Variants in SIRPB1 observed in about 807,000 individuals in gnomAD.
SIRPB1 encodes signal-regulatory protein beta-1.
Under a neutral mutation model 34.1 loss-of-function variants are expected in SIRPB1, and 28 were observed. The observed-to-expected ratio is 0.82, with a 90% CI of 0.61 to 1.12. The LOEUF is 1.12. SIRPB1 is among the 50% of genes most tolerant of loss of function. The pLI is 0.00. For missense variants in SIRPB1, 499 were observed against 507.0 expected, an observed-to-expected ratio of 0.98 and a Z score of 0.15; for synonymous variants, 211 against 203.8, an observed-to-expected ratio of 1.04 and a Z score of -0.30.
chr20:1,583,814 A>G lies in SIRPB1; in HGVS notation c.77-5120T>C, dbSNP rs2091410365. On this transcript the variant is annotated intron_variant, in intron 1 of 5. Transcript: ENST00000381605. ...CTTTAATGTGTTTTTCCTGTAGACT[A>G]AAAAATGAGTTGAAGACTGTAGTAA... is the stretch of plus-strand genomic sequence containing the variant. Among the ~76,000 whole-genome samples, 2 of 45,900 alleles carry G rather than the reference A, an allele frequency of 4.4e-5. 1 individual carries two copies. The highest frequency in any genetic ancestry group is 8.2e-5 in the Non-Finnish European group (2 of 24,414). 30.1% of individuals were successfully genotyped at this position (45,900 alleles called of 152,430 possible).
intron 4 of SIRPB1, among the ~76,000 whole-genome samples, chr20:1,569,439 A>T (rs2091192356): frequency 6.6e-6 from 1 of 152,264 alleles, no homozygotes; most frequent in Non-Finnish European, 1.5e-5. Flanking sequence ...GTCCTTGATC[A>T]CATGATCCCT....
At chr20:1,569,425 A>C (rs1304711877) in intron 4 of SIRPB1, among the ~76,000 whole-genome samples, 6 of 152,258 alleles carry the variant, frequency 3.9e-5, no homozygotes, top group Non-Finnish European at 7.3e-5. Flanking sequence ...GTTTTGTGAA[A>C]AATGTCCTTG....
chr20:1,615,536 A>C (rs986461520), intron 1 of SIRPB1, among the ~76,000 whole-genome samples: 4 of 152,216 alleles, frequency 2.6e-5, no homozygotes, highest in Admixed American at 6.5e-5. Context: ...TTCTGTTAAC[A>C]GTTGGCATTA....
chr20:1,585,961 A>G (rs182701275), intron 1 of SIRPB1, among the ~76,000 whole-genome samples: 1,566 of 49,276 alleles, frequency 0.032, 739 homozygotes, highest in African/African-American at 0.21. Flanking sequence ...TGAATTAACC[A>G]AGATGGTATT....
intron 1 of SIRPB1, among the ~76,000 whole-genome samples, chr20:1,582,103 C>T (rs149462786): frequency 2.0e-5 from 1 of 49,276 alleles, no homozygotes; most frequent in Admixed American, 1.3e-4. Context: ...ACAGACACTC[C>T]TGTTAGTGTC....
Position 1,612,825 on chromosome 20 carries a change from A to G in SIRPB1, c.76+7044T>C, listed in dbSNP as rs1166248772. On this transcript the variant is annotated intron_variant, in intron 1 of 5. Coordinates refer to ENST00000381605, the MANE Select transcript of SIRPB1 (RefSeq NM_006065.5). ...GTCCAAAATAGTGTTACTGGGGTACAATGAAGAAGAAATGAAGAACGTCAA... is the reference window on the plus strand; with the variant it reads ...GTCCAAAATAGTGTTACTGGGGTACGATGAAGAAGAAATGAAGAACGTCAA... Among the ~76,000 whole-genome samples, 2 of 72,344 alleles carry G rather than the reference A, an allele frequency of 2.8e-5. 1 individual carries two copies. Among genetic ancestry groups the G allele is most frequent in the African/African-American group, 1.8e-4 (2 of 11,302 alleles). 47.5% of individuals were successfully genotyped at this position (72,344 alleles called of 152,430 possible). A position where few individuals can be genotyped will look rare whatever the true frequency, so the allele number is the denominator to read the frequency against.
At position 1,583,740 on chromosome 20, in the gene SIRPB1, A is replaced by C. The variant is rs2091409983; in HGVS notation, c.77-5046T>G. Among the ~76,000 whole-genome samples, 2 of 47,732 alleles carry C rather than the reference A, an allele frequency of 4.2e-5. 1 individual carries two copies. Among genetic ancestry groups the C allele is most frequent in the Admixed American group, 2.9e-4 (2 of 6,998 alleles). 31.3% of individuals were successfully genotyped at this position (47,732 alleles called of 152,430 possible). On this transcript the variant is annotated intron_variant, in intron 1 of 5. Transcript: ENST00000381605. ...GGGGATTTTCAGGGGTAAATGACTG[A>C]AGTAGAAAGGAGGGAGAATGACTGG...
chr20:1,578,424 C>A lies in SIRPB1; in HGVS notation c.347G>T (p.Gly116Val), dbSNP rs754608272. Residue 116 changes from glycine to valine, a missense_variant, in exon 2 of 6, where the codon GGC becomes GTC. By Grantham distance (109) the Gly-to-Val change is moderately radical. Coordinates refer to ENST00000381605, the MANE Select transcript of SIRPB1 (RefSeq NM_006065.5). The stretch of plus-strand genomic sequence containing the variant: ...CCGGAACTTCACACAGTAGTAGGTG[C>A]CGGCGTCTGCTGGGGTGATGTTACT... ...SISNITPADA[G>V]TYYCVKFRKG... The A allele has an allele frequency of 5.7e-6, 9 of 1,584,918 alleles. No homozygotes were observed. The East Asian group carries it at 2.0e-4, about 35-fold the overall frequency.
rs146378319 is a variant in SIRPB1 at position 1,586,902 on chromosome 20, C to T, written c.77-8208G>A. ...AAACTGTGACCTATAATATTTGTCA[C>T]ATAGAAATCATCCAACAGATTAACA... On this transcript the variant is annotated intron_variant, in intron 1 of 5. Coordinates refer to ENST00000381605, the MANE Select transcript of SIRPB1 (RefSeq NM_006065.5). Among the ~76,000 whole-genome samples the T allele has an allele frequency of 1.3e-3, 63 of 49,710 alleles. 29 individuals are homozygous for T. The East Asian group carries it at 0.035, about 28-fold the overall frequency. 32.6% of individuals were successfully genotyped at this position (49,710 alleles called of 152,430 possible).
At chr20:1,587,243 A>T (rs1375030577) in intron 1 of SIRPB1, among the ~76,000 whole-genome samples, 1 of 49,514 alleles carries the variant, frequency 2.0e-5, no homozygotes, top group Non-Finnish European at 3.9e-5. Context: ...GAATGCTAAG[A>T]ACAGTTTTTG....
At position 1,561,576 on chromosome 20, in the gene SIRPB1, G is replaced by A. The variant is rs926467052; in HGVS notation, c.*3924C>T. Reference sequence around the variant, plus strand: ...GACAGTTTTGAGGAGTTCTGGGCCCGATGTTGCAGAATGCCTCCTTATTGA... The same window carrying A: ...GACAGTTTTGAGGAGTTCTGGGCCCAATGTTGCAGAATGCCTCCTTATTGA... On this transcript the variant is annotated 3_prime_UTR_variant, in exon 6 of 6. Transcript: ENST00000381605. Among the ~76,000 whole-genome samples, 1 of 152,110 alleles carries A rather than the reference G, an allele frequency of 6.6e-6. No homozygotes were observed. Among genetic ancestry groups the A allele is most frequent in the African/African-American group, 2.4e-5 (1 of 41,416 alleles).
In SIRPB1 at chr20:1,566,144, T is replaced by G. The variant is rs758867314; in HGVS notation, c.*2+9A>C. On this transcript the variant is annotated intron_variant, in intron 5 of 5. Coordinates refer to ENST00000381605, the MANE Select transcript of SIRPB1 (RefSeq NM_006065.5). ...AGCCCTTGGTCAGTCCTCCCTCTCC[T>G]AAACTTACAGTCAGGCCTTCTGTTT... The G allele has an allele frequency of 1.3e-6, 2 of 1,581,580 alleles. No homozygotes were observed. The highest frequency in any genetic ancestry group is 1.7e-6 in the Non-Finnish European group (2 of 1,158,460).
At chr20:1,609,601 C>T (rs768575017) in intron 1 of SIRPB1, among the ~76,000 whole-genome samples, 1 of 71,616 alleles carries the variant, frequency 1.4e-5, no homozygotes, top group East Asian at 5.8e-4. Context: ...GTGTCCACCC[C>T]GATGCTAGAG....
At chr20:1,579,923 G>A (rs1201732440) in intron 1 of SIRPB1, among the ~76,000 whole-genome samples, 1 of 148,028 alleles carries the variant, frequency 6.8e-6, no homozygotes, top group Non-Finnish European at 1.5e-5. Context: ...GAATGAATGT[G>A]CAATCTGAGG....
intron 3 of SIRPB1, among the ~76,000 whole-genome samples, chr20:1,571,455 T>C (rs1251152589): frequency 2.6e-5 from 4 of 152,216 alleles, no homozygotes; most frequent in Non-Finnish European, 4.4e-5. Context: ...CACATAGTGA[T>C]TTGGCTCCTA....
rs77248347 is a variant in SIRPB1, at chr20:1,568,326, C to T, written c.1085-2059G>A. Among the ~76,000 whole-genome samples the T allele has an allele frequency of 1.1e-4, 17 of 152,310 alleles. No homozygotes were observed. In the East Asian group the frequency reaches 2.1e-3, roughly 19 times the overall value. On this transcript the variant is annotated intron_variant, in intron 4 of 5. Transcript: ENST00000381605. ...AGGCTCCCATGCCACTGATGCAGCACGTCACAGAAGGCATCCTGCAGTTTG... is the reference window on the plus strand; with the variant it reads ...AGGCTCCCATGCCACTGATGCAGCATGTCACAGAAGGCATCCTGCAGTTTG...
At chr20:1,583,892 A>ACTG (rs1555807722) in intron 1 of SIRPB1, among the ~76,000 whole-genome samples, 667 of 43,504 alleles carry the variant, frequency 0.015, 281 homozygotes, top group Middle Eastern at 0.034. Context: ...TACTACTACT[A>ACTG]CTGCTGCTGC....
intron 4 of SIRPB1, among the ~76,000 whole-genome samples, chr20:1,567,313 G>A (rs1600091585): frequency 6.6e-6 from 1 of 152,014 alleles, no homozygotes; most frequent in Non-Finnish European, 1.5e-5. Flanking sequence ...GAATATGAAG[G>A]GCCAGCCCTT....
In SIRPB1 at chr20:1,561,664, G is replaced by A. The variant is rs2042390162; in HGVS notation, c.*3836C>T. ...TGTGAGTTTTGGGGGGAAGGTAATA[G>A]AGGAAAAGTGTCATCTTCATCACAT... On this transcript the variant is annotated 3_prime_UTR_variant, in exon 6 of 6. Coordinates refer to ENST00000381605, the MANE Select transcript of SIRPB1 (RefSeq NM_006065.5). Among the ~76,000 whole-genome samples, 1 of 152,176 alleles carries A rather than the reference G, an allele frequency of 6.6e-6. No individual in the cohort carries two copies. The highest frequency in any genetic ancestry group is 2.4e-5 in the African/African-American group (1 of 41,426).
Sources: gnomAD v4.1 joint callset for allele counts (sites outside exome capture counted in the v4.1 genomes callset) on GRCh38, gnomAD v4.1.1 for gene constraint, MANE v1.5 for transcripts, NCBI Gene and HGNC (gene_info 2026-07-23, HGNC 2026-07-21) for gene names.